Variants in CYB5R3 observed in about 807,000 individuals in gnomAD.
CYB5R3 encodes cytochrome b5 reductase 3.
A neutral mutation model predicts 36.5 loss-of-function variants in CYB5R3; 28 were observed. The ratio of observed to expected loss-of-function variants is 0.77; its 90% CI spans 0.57 to 1.05. The LOEUF (loss-of-function observed/expected upper bound fraction) is 1.05. CYB5R3 is among the 50% of genes least tolerant of loss of function. The pLI is 0.00. For synonymous variants in CYB5R3, 181 were observed against 159.8 expected, an observed-to-expected ratio of 1.13 and a Z score of -1.00; for missense variants, 474 against 408.9, an observed-to-expected ratio of 1.16 and a Z score of -1.37.
chr22:42,621,213 T>TGG (rs1044018085), intron 8 of CYB5R3, among the ~76,000 whole-genome samples: 1 of 151,826 alleles, frequency 6.6e-6, no homozygotes, highest in Non-Finnish European at 1.5e-5. Context: ...TGTGTGTGTG[T>TGG]GTGTGTTTTT....
At chr22:42,628,351 G>A (rs1334636453) in intron 4 of CYB5R3, 70 bp from the exon 5 acceptor site, 17 of 1,592,198 alleles carry the variant, frequency 1.1e-5, no homozygotes, top group Non-Finnish European at 1.4e-5. Flanking sequence ...CCCACAGTGG[G>A]AGACAAGTGC....
Position 42,631,414 on chromosome 22 carries a change from G to C in CYB5R3, c.190C>G (p.Leu64Val), listed in dbSNP as rs777361441. 6.4e-7 allele frequency: 1 copy of C among 1,551,668 alleles called. No homozygotes were observed. Among genetic ancestry groups the C allele is most frequent in the South Asian group, 1.2e-5 (1 of 84,064 alleles). ...SHDTRRFRFA[L>V]PSPQHILGLP... ...CCCAGGATGTGCTGGGGTGACGGCAGGGCAAAGCGGAAGCGCCGGGTGTCA... is the reference window on the plus strand; with the variant it reads ...CCCAGGATGTGCTGGGGTGACGGCACGGCAAAGCGGAAGCGCCGGGTGTCA... Residue 64 changes from leucine (L) to valine (V), a missense_variant, in exon 3 of 9, where the codon CTG becomes GTG. Leu to Val is a conservative substitution (Grantham distance 32, BLOSUM62 1). Transcript: ENST00000352397.
At chr22:42,627,559 C>G in intron 6 of CYB5R3, 46 bp downstream of exon 6, 1 of 1,574,600 alleles carries the variant, frequency 6.4e-7, no homozygotes, top group Non-Finnish European at 8.7e-7. Flanking sequence ...CCCAACCCCA[C>G]CCTTAACATG....
chr22:42,644,436 C>T (rs749231637), intron 1 of CYB5R3: 21 of 751,460 alleles, frequency 2.8e-5, no homozygotes, highest in Non-Finnish European at 4.4e-5. Context: ...TTGCTTCAGG[C>T]GTTCGCATAT....
chr22:42,620,398 C>A (rs1927900666), intron 8 of CYB5R3, among the ~76,000 whole-genome samples: 1 of 152,118 alleles, frequency 6.6e-6, no homozygotes, highest in Admixed American at 6.5e-5. Context: ...CTGCCCCAGG[C>A]TGCTCAGGGT....
Position 42,619,678 on chromosome 22 carries a change from CG to C in CYB5R3, c.*94del. 1 of 1,334,718 alleles carries C rather than the reference CG, an allele frequency of 7.5e-7. No individual in the cohort carries two copies. Among genetic ancestry groups the C allele is most frequent in the Non-Finnish European group, 1.0e-6 (1 of 982,744 alleles). The allele number at this position is 1,334,718 out of a possible 1,614,324, so 82.7% of individuals were successfully genotyped here. ...GGGCACGGGCAGGCCAGGCTGAACCCGGGGCCCCAGTGTGCGATGTGGGGAG... is the reference window on the plus strand; with the variant it reads ...GGGCACGGGCAGGCCAGGCTGAACCCGGGCCCCAGTGTGCGATGTGGGGAG... On this transcript the variant is annotated 3_prime_UTR_variant, in exon 9 of 9. Coordinates refer to ENST00000352397, the MANE Select transcript of CYB5R3 (RefSeq NM_000398.7).
Position 42,619,458 on chromosome 22 carries a change from G to A in CYB5R3, c.*315C>T. 2.8e-6 allele frequency: 1 copy of A among 356,092 alleles called. No individual in the cohort carries two copies. The allele number at this position is 356,092 out of a possible 1,614,324, so 22.1% of individuals were successfully genotyped here. On this transcript the variant is annotated 3_prime_UTR_variant, in exon 9 of 9. Transcript: ENST00000352397. ...GGAATGGTGGGCAGACGGGGCTGCT[G>A]GCAGCCCTCAGCCTTATAGTGTGTG... is the stretch of plus-strand genomic sequence containing the variant.
At chr22:42,643,361 G>A (rs934330848) in intron 1 of CYB5R3, among the ~76,000 whole-genome samples, 3 of 152,152 alleles carry the variant, frequency 2.0e-5, no homozygotes, top group African/African-American at 7.2e-5. Flanking sequence ...CACCCTCACG[G>A]GGCCACTACC....
chr22:42,628,944 G>T (rs1347467608), intron 4 of CYB5R3, among the ~76,000 whole-genome samples: 1 of 152,132 alleles, frequency 6.6e-6, no homozygotes, highest in Non-Finnish European at 1.5e-5. Context: ...GCTATGGGGT[G>T]TGGAGGCAGA....
At chr22:42,625,629 G>A (rs1412779606) in intron 7 of CYB5R3, among the ~76,000 whole-genome samples, 1 of 152,166 alleles carries the variant, frequency 6.6e-6, no homozygotes, top group East Asian at 1.9e-4. Context: ...TGAACAGAGG[G>A]ATGGAACCTT....
chr22:42,637,513 A>G (rs1189827528), intron 1 of CYB5R3, among the ~76,000 whole-genome samples: 1 of 152,130 alleles, frequency 6.6e-6, no homozygotes, highest in Admixed American at 6.6e-5. Flanking sequence ...GGGTTCTGCC[A>G]TCAGGTGTAA....
chr22:42,646,792 C>T (rs1929560266), intron 1 of CYB5R3: 1 of 986,450 alleles, frequency 1.0e-6, no homozygotes, highest in South Asian at 4.7e-5. Flanking sequence ...GAAGGGAACC[C>T]AGGAGAAGGA....
intron 2 of CYB5R3, among the ~76,000 whole-genome samples, chr22:42,636,221 A>T (rs1928882975): frequency 6.6e-6 from 1 of 152,262 alleles, no homozygotes; most frequent in African/African-American, 2.4e-5. Context: ...TGTCTCAAAA[A>T]AAAAAAAGTA....
chr22:42,647,851 A>G (rs1371989466), intron 1 of CYB5R3, among the ~76,000 whole-genome samples: 1 of 152,122 alleles, frequency 6.6e-6, no homozygotes, highest in African/African-American at 2.4e-5. Context: ...TGTCTGGGTG[A>G]GAGACTCTTC....
chr22:42,622,403 G>A (rs373027350), intron 8 of CYB5R3, among the ~76,000 whole-genome samples: 10 of 152,238 alleles, frequency 6.6e-5, no homozygotes, highest in African/African-American at 2.4e-4. Context: ...TCCCCCACTG[G>A]AAGGTCAGCT....
chr22:42,640,962 T>C (rs1308963494), intron 1 of CYB5R3, among the ~76,000 whole-genome samples: 1 of 152,100 alleles, frequency 6.6e-6, no homozygotes, highest in Non-Finnish European at 1.5e-5. Flanking sequence ...GTTGAAGCAA[T>C]TCTTCTGTCT....
At chr22:42,643,204 G>A (rs2146909190) in intron 1 of CYB5R3, among the ~76,000 whole-genome samples, 1 of 152,328 alleles carries the variant, frequency 6.6e-6, no homozygotes, top group South Asian at 2.1e-4. Flanking sequence ...ACGCTCTGGT[G>A]GAGCCACGTG....
chr22:42,631,305 G>A (rs1928602394), intron 3 of CYB5R3, 73 bp downstream of exon 3: 1 of 1,421,578 alleles, frequency 7.0e-7, no homozygotes, highest in Non-Finnish European at 9.7e-7. Flanking sequence ...GAAATGTAAA[G>A]CTTCCATCTC....
intron 1 of CYB5R3, chr22:42,640,190 C>A (rs577533684): frequency 1.9e-6 from 3 of 1,609,748 alleles, no homozygotes; most frequent in South Asian, 1.1e-5. Flanking sequence ...TACCAAAATG[C>A]GGCCAATCGA....
Sources: gnomAD v4.1 joint callset for allele counts (sites outside exome capture counted in the v4.1 genomes callset) on GRCh38, gnomAD v4.1.1 for gene constraint, MANE v1.5 for transcripts, NCBI Gene and HGNC (gene_info 2026-07-23, HGNC 2026-07-21) for gene names.